HUWE1: variants seen among roughly 807,000 people sequenced by gnomAD.
The protein encoded by HUWE1 is E3 ubiquitin-protein ligase HUWE1.
Under a neutral mutation model 299.4 loss-of-function variants are expected in HUWE1, and 18 were observed. The observed-to-expected ratio is 0.06, with a 90% CI of 0.04 to 0.09. HUWE1 has a LOEUF of 0.09. Among genes scored for constraint, HUWE1 ranks in the 10% least tolerant of loss-of-function variants. The probability of loss-of-function intolerance (pLI) is 1.00; values close to 1 mark genes in which losing one functional copy is unlikely to be tolerated. For synonymous variants in HUWE1, 1,317 were observed against 1,286.1 expected (o/e 1.02, Z -0.51); for missense variants, 1,832 against 3,462.3 (o/e 0.53, Z 11.82).
Position 53,583,421 on chromosome X carries a change from T to C in HUWE1, c.5520+137A>G, listed in dbSNP as rs1284311612. On this transcript the variant is annotated intron_variant, in intron 42 of 83. Coordinates refer to ENST00000262854, the MANE Select transcript of HUWE1 (RefSeq NM_031407.7). ...AGCTCCCAAGCATAGAGTTGGAAAA[T>C]TCTGTTGGGTGGAGTATACAGTATA... 6.0e-6 allele frequency: 3 copies of C among 499,649 alleles called. No homozygotes were observed. In the African/African-American group the frequency reaches 7.1e-5, roughly 12 times the overall value. The allele number at this position is 499,649 out of a possible 1,213,427, so 41.2% of individuals were successfully genotyped here.
chrX:53,554,729 G>A lies in HUWE1; in HGVS notation c.8398C>T (p.Leu2800=), dbSNP rs782363164. ...TCCTCTGGCTCTACAGGCATCAATA[G>A]CTGTGTAGAGCTGCCCCCTTCTCCA... ...PAGEGGSSTQ[L]LMPVEPEELG... The change falls in exon 61 of 84, where the codon CTA becomes TTA. Residue 2800 remains leucine (L), a synonymous_variant. Coordinates refer to ENST00000262854, the MANE Select transcript of HUWE1 (RefSeq NM_031407.7). 1.2e-5 allele frequency: 15 copies of A among 1,207,662 alleles called. No individual in the cohort carries two copies. The highest frequency in any genetic ancestry group is 1.7e-5 in the Non-Finnish European group (15 of 893,734).
In HUWE1 at chrX:53,549,474, G is replaced by A. The variant is rs782714866; in HGVS notation, c.9520C>T (p.Arg3174Cys). The A allele has an allele frequency of 2.5e-6, 3 of 1,207,133 alleles. No individual in the cohort carries two copies. Among genetic ancestry groups the A allele is most frequent in the Non-Finnish European group, 3.4e-6 (3 of 894,756 alleles). Residue 3174 changes from arginine to cysteine, a missense_variant, in exon 67 of 84, where the codon CGC becomes TGC. Transcript: ENST00000262854. ...PSGSNVDTLLRLRGRLLLDHE... is the reference protein window; with the variant it reads ...PSGSNVDTLLCLRGRLLLDHE... ...TCCAGAAGGAGCCGTCCTCGGAGGC[G>A]GAGGAGAGTATCTACATTACTGCCA...
At chrX:53,603,344 T>G (rs1556993094) in intron 27 of HUWE1, 24 bp downstream of exon 27, 1 of 1,202,175 alleles carries the variant, frequency 8.3e-7, no homozygotes. Flanking sequence ...AACAAAGTAA[T>G]AAGAGAGAGA....
In HUWE1 at chrX:53,583,828, C is replaced by A. The variant is rs1556970418; in HGVS notation, c.5250G>T (p.Leu1750Phe). ...TTAAAACAGTCACCATATCTTCTGT[C>A]AAGCCCTGGATCAGGATCTCCCCGA... is the stretch of plus-strand genomic sequence containing the variant. Reference protein sequence around the residue: ...TKIGEILIQGLTEDMVTVLIR... With the variant: ...TKIGEILIQGFTEDMVTVLIR... Residue 1750 changes from leucine to phenylalanine, a missense_variant, in exon 42 of 84, where the codon TTG (leucine) becomes TTT (phenylalanine). Physicochemically the swap from Leu to Phe is conservative, Grantham distance 22. This residue lies in a region of HUWE1 where 46 missense variants were observed against 42.6 expected (regional missense o/e 1.08). Transcript: ENST00000262854. 2 of 1,208,837 alleles carry A rather than the reference C, an allele frequency of 1.7e-6. No individual in the cohort carries two copies. The highest frequency in any genetic ancestry group is 2.2e-6 in the Non-Finnish European group (2 of 894,053).
At chrX:53,645,735 AAATATAT>A (rs1207441156) in intron 6 of HUWE1, among the ~76,000 whole-genome samples, 100 of 26,122 alleles carry the variant, frequency 3.8e-3, no homozygotes, top group South Asian at 5.2e-3. Flanking sequence ...AAAAAAAAAA[AAATATAT>A]ATATATATAT....
chrX:53,654,129 G>A lies in HUWE1; in HGVS notation c.-22C>T, dbSNP rs782018361. 4 of 1,131,473 alleles carry A rather than the reference G, an allele frequency of 3.5e-6. No homozygotes were observed. The highest frequency in any genetic ancestry group is 1.9e-5 in the South Asian group (1 of 53,359). The allele number at this position is 1,131,473 out of a possible 1,213,427, so 93.2% of individuals were successfully genotyped here. On this transcript the variant is annotated splice_region_variant and 5_prime_UTR_variant, in exon 4 of 84. Coordinates refer to ENST00000262854, the MANE Select transcript of HUWE1 (RefSeq NM_031407.7). ...TCATGATTTCAATTTTCAGCTTTACGATCTGAAAAAAGAAAATCCCAAAAG... is the reference window on the plus strand; with the variant it reads ...TCATGATTTCAATTTTCAGCTTTACAATCTGAAAAAAGAAAATCCCAAAAG...
In HUWE1 at chrX:53,534,259, G is replaced by T. The variant is rs782155307; in HGVS notation, c.12832-62C>A. 10 of 1,000,000 alleles carry T rather than the reference G, an allele frequency of 1.0e-5. No homozygotes were observed. The Middle Eastern group carries it at 2.1e-3, about 213-fold the overall frequency. 82.4% of individuals were successfully genotyped at this position (1,000,000 alleles called of 1,213,427 possible). A position where few individuals can be genotyped will look rare whatever the true frequency, so the allele number is the denominator to read the frequency against. ...AAAGCTCCTAGAAGCAGGGTGGGGG[G>T]GATGGAATCTAGGAAACAGGACTGG... is the stretch of plus-strand genomic sequence containing the variant. On this transcript the variant is annotated intron_variant, in intron 82 of 83. Coordinates refer to ENST00000262854, the MANE Select transcript of HUWE1 (RefSeq NM_031407.7).
intron 44 of HUWE1, among the ~76,000 whole-genome samples, 170 bp downstream of exon 44, chrX:53,576,730 T>G (rs1449947091): frequency 8.9e-6 from 1 of 112,398 alleles, no homozygotes; most frequent in Admixed American, 9.4e-5. Flanking sequence ...TATGTCATAC[T>G]ATATGACTAT....
intron 73 of HUWE1, 28 bp from the exon 74 acceptor site, chrX:53,542,567 T>A: frequency 1.0e-6 from 1 of 993,179 alleles, no homozygotes; most frequent in Non-Finnish European, 1.4e-6. Flanking sequence ...AAAAATCACA[T>A]AAGGGTGCAA....
chrX:53,625,381 G>GT (rs1207995163), intron 17 of HUWE1, 123 bp from the exon 18 acceptor site: 1 of 506,896 alleles, frequency 2.0e-6, no homozygotes, highest in African/African-American at 2.3e-5. Flanking sequence ...GACATTCGAA[G>GT]TGAGGTCTCT....
At chrX:53,658,207 G>C (rs1316446429) in intron 3 of HUWE1, among the ~76,000 whole-genome samples, 1 of 111,045 alleles carries the variant, frequency 9.0e-6, no homozygotes, top group African/African-American at 3.3e-5. Flanking sequence ...ATAAAATTCT[G>C]ATGAAAGAAA....
intron 4 of HUWE1, among the ~76,000 whole-genome samples, chrX:53,649,645 G>A (rs782177202): frequency 1.8e-5 from 2 of 112,085 alleles, no homozygotes; most frequent in East Asian, 2.8e-4. Context: ...CCTCTAAGAT[G>A]TAAGTTGAGG....
intron 43 of HUWE1, among the ~76,000 whole-genome samples, chrX:53,579,407 G>A (rs1378748098): frequency 4.6e-5 from 5 of 109,286 alleles, no homozygotes; most frequent in African/African-American, 6.6e-5. Flanking sequence ...CTGGGAAGTG[G>A]GGAGCCCCTC....
chrX:53,650,137 C>G (rs1195633958), intron 4 of HUWE1, among the ~76,000 whole-genome samples: 2 of 112,151 alleles, frequency 1.8e-5, no homozygotes, highest in Admixed American at 1.9e-4. Flanking sequence ...AGATCCAAAC[C>G]TTACTAACAC....
Position 53,572,607 on chromosome X carries a change from T to C in HUWE1, c.6312+1143A>G, listed in dbSNP as rs57044401. Among the ~76,000 whole-genome samples the C allele has an allele frequency of 2.0e-3, 218 of 111,736 alleles. 6 individuals carry two copies. In the East Asian group the frequency reaches 0.053, roughly 27 times the overall value. On this transcript the variant is annotated intron_variant, in intron 47 of 83. Coordinates refer to ENST00000262854, the MANE Select transcript of HUWE1 (RefSeq NM_031407.7). ...CACCCATTTTACATATGCGGGAACATGTGATACAGTTTCTCAAAATGCCCC... is the reference window on the plus strand; with the variant it reads ...CACCCATTTTACATATGCGGGAACACGTGATACAGTTTCTCAAAATGCCCC...
chrX:53,585,877 G>A lies in HUWE1; in HGVS notation c.4824+613C>T, dbSNP rs2063833433. Among the ~76,000 whole-genome samples, 3 of 110,855 alleles carry A rather than the reference G, an allele frequency of 2.7e-5. No homozygotes were observed. In the South Asian group the frequency reaches 1.2e-3, roughly 43 times the overall value. ...AATTTTTGTATTTTTTGGAGAGATG[G>A]GGTTTCACCATGTGTTGCCCAAGCT... On this transcript the variant is annotated intron_variant, in intron 39 of 83. Coordinates refer to ENST00000262854, the MANE Select transcript of HUWE1 (RefSeq NM_031407.7).
Position 53,629,438 on chromosome X carries a change from C to CA in HUWE1, c.963+77_963+78insT, listed in dbSNP as rs2066727531. ...GTATATGCAAATATCCCCTCCCCCC[C>CA]CAAAAAAGTCTCAAATCCAAAATAC... On this transcript the variant is annotated intron_variant, in intron 13 of 83. Transcript: ENST00000262854. The CA allele has an allele frequency of 1.0e-5, 7 of 670,966 alleles. No individual in the cohort carries two copies. In the South Asian group the frequency reaches 1.5e-4, roughly 15 times the overall value. The allele number at this position is 670,966 out of a possible 1,213,427, so 55.3% of individuals were successfully genotyped here. A position where few individuals can be genotyped will look rare whatever the true frequency, so the allele number is the denominator to read the frequency against.
chrX:53,590,160 T>C (rs1268164775), intron 35 of HUWE1, among the ~76,000 whole-genome samples: 1 of 112,410 alleles, frequency 8.9e-6, no homozygotes, highest in Non-Finnish European at 1.9e-5. Context: ...CTAATGGCAC[T>C]ACTGAGTACA....
intron 51 of HUWE1, 89 bp from the exon 52 acceptor site, chrX:53,563,910 T>C (rs1556943440): frequency 1.0e-6 from 1 of 982,550 alleles, no homozygotes; most frequent in East Asian, 3.3e-5. Context: ...CAAAGCAGCA[T>C]ACATTTCTAG....
Sources: allele counts gnomAD v4.1 joint callset (sites outside exome capture counted in the v4.1 genomes callset), GRCh38; gene constraint gnomAD v4.1.1; regional missense constraint gnomAD v4.1.1; transcripts MANE v1.5; gene names NCBI Gene and HGNC (gene_info 2026-07-23, HGNC 2026-07-21).